NETO1: variants seen among roughly 807,000 people sequenced by gnomAD.
NETO1 encodes the protein neuropilin and tolloid-like protein 1.
NETO1 carries 26 observed loss-of-function variants against 61.3 expected under a neutral mutation model. The observed-to-expected ratio is 0.42, with a 90% CI of 0.31 to 0.59. The LOEUF is 0.59. Among genes scored for constraint, NETO1 ranks in the 20% least tolerant of loss-of-function variants. The probability of loss-of-function intolerance (pLI) is 0.12; values close to 1 mark genes in which losing one functional copy is unlikely to be tolerated. For synonymous variants in NETO1, 225 were observed against 225.8 expected (o/e 1.00, Z 0.03); for missense variants, 531 against 662.8 (o/e 0.80, Z 2.18).
At chr18:72,862,617 T>C (rs961485391) in intron 3 of NETO1, among the ~76,000 whole-genome samples, 3 of 112,028 alleles carry the variant, frequency 2.7e-5, no homozygotes, top group Non-Finnish European at 6.4e-5. Context: ...TGATCCTTTT[T>C]TTTTCTTTTT....
chr18:72,742,550 T>G (rs1213077697), downstream of NETO1: 1 of 152,200 alleles, frequency 6.6e-6, no homozygotes, highest in Non-Finnish European at 1.5e-5. Context: ...TTATAATACA[T>G]ACTTTTACAG....
intron 4 of NETO1, among the ~76,000 whole-genome samples, chr18:72,829,656 C>T (rs2073509432): frequency 6.6e-6 from 1 of 152,130 alleles, no homozygotes; most frequent in African/African-American, 2.4e-5. Context: ...AGCTAATTAG[C>T]TGCTCCTTTG....
chr18:72,831,030 C>A (rs890971349), intron 4 of NETO1, among the ~76,000 whole-genome samples: 1 of 152,098 alleles, frequency 6.6e-6, no homozygotes, highest in African/African-American at 2.4e-5. Flanking sequence ...GTTTTCAAGA[C>A]CCCCTTACCC....
At chr18:72,848,158 C>A (rs574383538) in intron 4 of NETO1, among the ~76,000 whole-genome samples, 1 of 152,132 alleles carries the variant, frequency 6.6e-6, no homozygotes, top group Admixed American at 6.5e-5. Flanking sequence ...AACTTGATGG[C>A]GACATTAATT....
chr18:72,857,027 G>C (rs2145628168), intron 4 of NETO1, among the ~76,000 whole-genome samples: 2 of 152,320 alleles, frequency 1.3e-5, no homozygotes, highest in Middle Eastern at 6.8e-3. Flanking sequence ...AAGAGGTGTA[G>C]ATGGTTACGT....
At chr18:72,843,113 A>G (rs2073983991) in intron 4 of NETO1, among the ~76,000 whole-genome samples, 1 of 152,212 alleles carries the variant, frequency 6.6e-6, no homozygotes, top group African/African-American at 2.4e-5. Context: ...CATGCTTGAT[A>G]AGAAAGAAGT....
intron 2 of NETO1, 106 bp downstream of exon 2, chr18:72,865,082 A>T (rs186169416): frequency 2.1e-4 from 297 of 1,384,598 alleles, no homozygotes; most frequent in Admixed American, 7.5e-4. Flanking sequence ...TCAATTATAC[A>T]TATTATAACA....
intron 4 of NETO1, among the ~76,000 whole-genome samples, chr18:72,837,849 G>A (rs1231719275): frequency 1.3e-5 from 2 of 152,154 alleles, no homozygotes; most frequent in Non-Finnish European, 2.9e-5. Flanking sequence ...TAGTAAAGCT[G>A]CGTAAGAGCC....
chr18:72,865,346 T>G, intron 1 of NETO1, 105 bp from the exon 2 acceptor site: 10 of 1,203,726 alleles, frequency 8.3e-6, no homozygotes, highest in Non-Finnish European at 1.2e-5. Flanking sequence ...CAGATTAATT[T>G]TTTCATTGTT....
rs2074683749 is a variant in NETO1 at position 72,864,801 on chromosome 18, C to T, written c.220+7G>A. ...GCTTTCTTAACTCTGGCACTGTCTC[C>T]CCTTACCTTCTATGATGTAGATGCA... On this transcript the variant is annotated splice_region_variant and intron_variant, in intron 3 of 10. Transcript: ENST00000327305. The T allele has an allele frequency of 1.2e-6, 2 of 1,613,738 alleles. No individual in the cohort carries two copies. The highest frequency in any genetic ancestry group is 2.2e-5 in the East Asian group (1 of 44,878).
intron 7 of NETO1, among the ~76,000 whole-genome samples, chr18:72,762,025 A>G (rs761039959): frequency 1.2e-4 from 19 of 152,196 alleles, no homozygotes; most frequent in Non-Finnish European, 2.2e-4. Flanking sequence ...ACCACTTAAA[A>G]TTTTAAAAAC....
chr18:72,835,367 A>T (rs1362472130), intron 4 of NETO1: 4 of 1,515,028 alleles, frequency 2.6e-6, no homozygotes, highest in Non-Finnish European at 3.6e-6. Flanking sequence ...CCAGTATATG[A>T]TCAGGCATGA....
intron 4 of NETO1, among the ~76,000 whole-genome samples, chr18:72,810,393 T>C (rs763829747): frequency 4.6e-5 from 7 of 152,148 alleles, no homozygotes; most frequent in Non-Finnish European, 8.8e-5. Context: ...ATAGTCTCCA[T>C]CTTGGGGAAT....
intron 4 of NETO1, among the ~76,000 whole-genome samples, chr18:72,821,271 A>T (rs944452652): frequency 6.9e-6 from 1 of 144,530 alleles, no homozygotes. Context: ...GTCCAGGCAC[A>T]GTGGCTCATG....
intron 4 of NETO1, among the ~76,000 whole-genome samples, chr18:72,827,342 G>A (rs2073412333): frequency 6.6e-6 from 1 of 152,092 alleles, no homozygotes; most frequent in South Asian, 2.1e-4. Flanking sequence ...AGGCCTCCAT[G>A]TACTCAGCAA....
intron 4 of NETO1, among the ~76,000 whole-genome samples, chr18:72,794,907 A>G (rs989559582): frequency 6.6e-6 from 1 of 152,218 alleles, no homozygotes; most frequent in Non-Finnish European, 1.5e-5. Context: ...AGCACAAATT[A>G]AGATGTAAAA....
At chr18:72,849,588 A>G (rs1471364632) in intron 4 of NETO1, among the ~76,000 whole-genome samples, 2 of 152,196 alleles carry the variant, frequency 1.3e-5, no homozygotes. Flanking sequence ...TTCCAAAACT[A>G]TTTCCAAATT....
rs1015826182 is a variant in NETO1, at chr18:72,746,808, A to G, written c.*1371T>C. ...TTCTTATTTTAAAAATTTATTTTGT[A>G]AGATTACACATTGAATATTTTAAAA... On this transcript the variant is annotated 3_prime_UTR_variant, in exon 11 of 11. Transcript: ENST00000327305. Among the ~76,000 whole-genome samples the G allele has an allele frequency of 4.6e-5, 7 of 152,022 alleles. No homozygotes were observed. The highest frequency in any genetic ancestry group is 1.7e-4 in the African/African-American group (7 of 41,426).
chr18:72,838,027 G>A (rs533309356), intron 4 of NETO1, among the ~76,000 whole-genome samples: 6 of 151,726 alleles, frequency 4.0e-5, no homozygotes, highest in Non-Finnish European at 7.4e-5. Flanking sequence ...CCTATGACAG[G>A]TATCTCTACA....
Sources: gnomAD v4.1 joint callset for allele counts (sites outside exome capture counted in the v4.1 genomes callset) on GRCh38, gnomAD v4.1.1 for gene constraint, MANE v1.5 for transcripts, NCBI Gene and HGNC (gene_info 2026-07-23, HGNC 2026-07-21) for gene names.